Variants in LIPC observed in about 807,000 individuals in gnomAD.
LIPC encodes lipase C, hepatic type.
In LIPC, 44 loss-of-function variants were observed where a neutral mutation model predicts 50.7. The ratio of observed to expected loss-of-function variants is 0.87; its 90% CI spans 0.68 to 1.11. The LOEUF (loss-of-function observed/expected upper bound fraction) is 1.11, where lower values mean the gene tolerates loss of function less well. LIPC is among the 50% of genes most tolerant of loss of function. LIPC has a pLI of 0.00. For synonymous variants in LIPC, 271 were observed against 256.4 expected, an observed-to-expected ratio of 1.06 and a Z score of -0.54; for missense variants, 697 against 648.2, an observed-to-expected ratio of 1.08 and a Z score of -0.82.
chr15:58,555,642 C>G (rs1356404744), intron 6 of LIPC, among the ~76,000 whole-genome samples: 1 of 152,160 alleles, frequency 6.6e-6, no homozygotes, highest in Non-Finnish European at 1.5e-5. Flanking sequence ...AAACAGGACT[C>G]CACTGGCCTG....
intron 1 of LIPC, among the ~76,000 whole-genome samples, chr15:58,477,263 G>A (rs1267995644): frequency 3.3e-5 from 5 of 152,184 alleles, no homozygotes; most frequent in Non-Finnish European, 7.3e-5. Context: ...TTTGGATGGG[G>A]TAAAGCACTT....
Position 58,432,184 on chromosome 15 carries a change from A to G in LIPC, c.88+64A>G, listed in dbSNP as rs11631342. ...TTTCTTTTTAAAACGTGTGTCACAA[A>G]GAATCCAGGGGTTTCTGACTGTATG... On this transcript the variant is annotated intron_variant, in intron 1 of 8. Coordinates refer to ENST00000299022, the MANE Select transcript of LIPC (RefSeq NM_000236.3). 0.025 allele frequency: 30,402 copies of G among 1,220,094 alleles called. 1,063 individuals are homozygous for G. Among genetic ancestry groups the G allele is most frequent in the African/African-American group, 0.14 (9,400 of 67,520 alleles). The allele number at this position is 1,220,094 out of a possible 1,614,324, so 75.6% of individuals were successfully genotyped here. A position where few individuals can be genotyped will look rare whatever the true frequency, so the allele number is the denominator to read the frequency against.
At chr15:58,488,585 G>T (rs879632745) in intron 1 of LIPC, among the ~76,000 whole-genome samples, 10 of 152,194 alleles carry the variant, frequency 6.6e-5, no homozygotes, top group Admixed American at 1.3e-4. Flanking sequence ...TGGAATCACT[G>T]GGGGCAGCCT....
chr15:58,518,072 C>A (rs1979177), intron 1 of LIPC, among the ~76,000 whole-genome samples: 2 of 152,012 alleles, frequency 1.3e-5, no homozygotes, highest in Non-Finnish European at 2.9e-5. Flanking sequence ...ACTTCTTGAT[C>A]ACAGCACACT....
chr15:58,447,036 T>C (rs1189167619), intron 1 of LIPC, among the ~76,000 whole-genome samples: 1 of 149,074 alleles, frequency 6.7e-6, no homozygotes, highest in East Asian at 2.0e-4. Flanking sequence ...TAGTCCCAGC[T>C]ACTTGGGAGG....
rs145377353 is a variant in LIPC, at chr15:58,550,443, G to A, written c.1051+1871G>A. On this transcript the variant is annotated intron_variant, in intron 6 of 8. Transcript: ENST00000299022. ...GGCTGAGCTTCTCCCATTTGCCAAC[G>A]GCCCCACTGCCCGACCACCATACAC... Among the ~76,000 whole-genome samples the A allele has an allele frequency of 6.3e-4, 96 of 152,240 alleles. No individual in the cohort carries two copies. In the East Asian group the frequency reaches 0.017, roughly 27 times the overall value.
chr15:58,443,785 G>C (rs1282957781), intron 1 of LIPC, among the ~76,000 whole-genome samples: 1 of 151,844 alleles, frequency 6.6e-6, no homozygotes, highest in South Asian at 2.1e-4. Context: ...AGCAAAGGGT[G>C]GTGGATTATC....
chr15:58,542,878 A>G (rs1292404786), intron 4 of LIPC, among the ~76,000 whole-genome samples: 1 of 152,242 alleles, frequency 6.6e-6, no homozygotes, highest in African/African-American at 2.4e-5. Context: ...CCTGCCCTCA[A>G]ACGAATACCT....
chr15:58,558,252 T>C (rs1052731815), intron 6 of LIPC, among the ~76,000 whole-genome samples: 26 of 147,282 alleles, frequency 1.8e-4, no homozygotes, highest in Admixed American at 1.4e-3. Flanking sequence ...TTTGTATTTT[T>C]AGTAGAGACG....
intron 8 of LIPC, chr15:58,566,481 C>T: frequency 1.0e-6 from 1 of 984,118 alleles, no homozygotes; most frequent in Non-Finnish European, 1.2e-6. Flanking sequence ...ATAACAACTA[C>T]TAATTTTTTA....
At chr15:58,470,776 T>A (rs2140740114) in intron 1 of LIPC, among the ~76,000 whole-genome samples, 1 of 152,204 alleles carries the variant, frequency 6.6e-6, no homozygotes, top group African/African-American at 2.4e-5. Flanking sequence ...ATTTTTATAT[T>A]TTTAGTAGAC....
chr15:58,493,772 A>G (rs1485414516), intron 1 of LIPC, among the ~76,000 whole-genome samples: 3 of 149,226 alleles, frequency 2.0e-5, no homozygotes, highest in Admixed American at 1.3e-4. Context: ...TATATATTTG[A>G]ATATATAAGT....
chr15:58,544,852 GA>G (rs1180669841), intron 4 of LIPC, among the ~76,000 whole-genome samples: 3 of 151,904 alleles, frequency 2.0e-5, no homozygotes, highest in East Asian at 3.9e-4. Flanking sequence ...GAAAGACAGG[GA>G]AAAAAAACTT....
chr15:58,496,743 C>CAAAAAAAAAAAAAAAA lies in LIPC; in HGVS notation c.89-41588_89-41573dup, dbSNP rs10716717. ...GCCCTGCTACAGAAGTCTTCCCCCT[C>CAAAAAAAAAAAAAAAA]AAAAAAAAAAAAAAAAATTAAGATG... On this transcript the variant is annotated intron_variant, in intron 1 of 8. Transcript: ENST00000299022. Among the ~76,000 whole-genome samples, 50 of 114,162 alleles carry CAAAAAAAAAAAAAAAA rather than the reference C, an allele frequency of 4.4e-4. 2 individuals carry two copies. The highest frequency in any genetic ancestry group is 1.2e-3 in the African/African-American group (36 of 29,790). 74.9% of individuals were successfully genotyped at this position (114,162 alleles called of 152,430 possible).
At chr15:58,434,463 G>A (rs1273606071) in intron 1 of LIPC, among the ~76,000 whole-genome samples, 1 of 152,194 alleles carries the variant, frequency 6.6e-6, no homozygotes, top group African/African-American at 2.4e-5. Context: ...TAAGTGCCTT[G>A]CCGGCGGTCG....
intron 8 of LIPC, among the ~76,000 whole-genome samples, chr15:58,567,616 C>G (rs956541922): frequency 5.3e-5 from 8 of 151,834 alleles, no homozygotes; most frequent in African/African-American, 1.7e-4. Flanking sequence ...TTGAGAAAAT[C>G]TTAATGTCTA....
At chr15:58,563,036 T>C (rs1461070648) in intron 7 of LIPC, among the ~76,000 whole-genome samples, 1 of 152,168 alleles carries the variant, frequency 6.6e-6, no homozygotes, top group East Asian at 1.9e-4. Context: ...TTATGTGTAG[T>C]TTTTCTATTA....
chr15:58,551,238 AG>A (rs1429742522), intron 6 of LIPC, among the ~76,000 whole-genome samples: 10 of 152,134 alleles, frequency 6.6e-5, no homozygotes, highest in African/African-American at 2.2e-4. Context: ...TTCACTTGCT[AG>A]TGGAAAGTAA....
At position 58,551,216 on chromosome 15, in the gene LIPC, G is replaced by C. The variant is rs896478814; in HGVS notation, c.1051+2644G>C. 3.3e-5 allele frequency among the ~76,000 whole-genome samples: 5 copies of C among 151,754 alleles called. No homozygotes were observed. In the East Asian group the frequency reaches 7.8e-4, roughly 24 times the overall value. ...CCTCCAGTGAGCAAAGTCCTCACCC[G>C]CTCAACCCAGTTTCACTTGCTAGTG... On this transcript the variant is annotated intron_variant, in intron 6 of 8. Transcript: ENST00000299022.
Sources: allele counts gnomAD v4.1 joint callset (sites outside exome capture counted in the v4.1 genomes callset), GRCh38; gene constraint gnomAD v4.1.1; transcripts MANE v1.5; gene names NCBI Gene and HGNC (gene_info 2026-07-23, HGNC 2026-07-21).